SRGAP2C: variants seen among roughly 807,000 people sequenced by gnomAD.
SRGAP2C encodes the protein SLIT-ROBO Rho GTPase activating protein 2C.
SRGAP2C carries 15 observed loss-of-function variants against 25.1 expected under a neutral mutation model. The observed-to-expected ratio is 0.60, with a 90% CI of 0.40 to 0.92. The LOEUF is 0.92. SRGAP2C is among the 40% of genes least tolerant of loss of function. The probability of loss-of-function intolerance (pLI) is 0.00; values close to 1 mark genes in which losing one functional copy is unlikely to be tolerated. For synonymous variants in SRGAP2C, 44 were observed against 96.6 expected (o/e 0.46, Z 3.19); for missense variants, 144 against 264.4 (o/e 0.54, Z 3.16).
At chr1:121,235,158 G>T (rs1201912368) in intron 2 of SRGAP2C, among the ~76,000 whole-genome samples, 3 of 143,884 alleles carry the variant, frequency 2.1e-5, no homozygotes, top group Non-Finnish European at 4.5e-5. Flanking sequence ...CTCCCGAGTA[G>T]CTGGGACTAC....
chr1:121,385,841 G>A (rs587687573), intron 8 of SRGAP2C, among the ~76,000 whole-genome samples: 4 of 150,544 alleles, frequency 2.7e-5, no homozygotes, highest in Admixed American at 2.0e-4. Context: ...CTTCACACAG[G>A]GGAAAGCTAA....
chr1:121,270,278 A>C (rs587718862), intron 2 of SRGAP2C, among the ~76,000 whole-genome samples: 1 of 151,936 alleles, frequency 6.6e-6, no homozygotes, highest in Admixed American at 6.6e-5. Flanking sequence ...AGACATGGCT[A>C]CTTTATCTTC....
chr1:121,312,520 G>T (rs1657988320), intron 3 of SRGAP2C, among the ~76,000 whole-genome samples: 1 of 81,832 alleles, frequency 1.2e-5, no homozygotes, highest in Non-Finnish European at 2.5e-5. Flanking sequence ...TGATGTTAGG[G>T]TGTCAATTTT....
intron 2 of SRGAP2C, among the ~76,000 whole-genome samples, chr1:121,267,336 G>T (rs1334993643): frequency 6.6e-6 from 1 of 150,744 alleles, no homozygotes; most frequent in Non-Finnish European, 1.5e-5. Context: ...TGGGCTTACA[G>T]GTGCACCACC....
intron 3 of SRGAP2C, chr1:121,314,874 C>G (rs1376380632): frequency 1.2e-5 from 7 of 576,800 alleles, no homozygotes; most frequent in Admixed American, 2.4e-5. Flanking sequence ...GTGTCGCTCA[C>G]GCTGGGAGCT....
At chr1:121,228,725 C>G (rs1224333219) in intron 2 of SRGAP2C, among the ~76,000 whole-genome samples, 5 of 151,868 alleles carry the variant, frequency 3.3e-5, no homozygotes, top group Non-Finnish European at 5.9e-5. Context: ...GACTTAAAAG[C>G]ATTACTAAAT....
intron 3 of SRGAP2C, among the ~76,000 whole-genome samples, chr1:121,289,133 G>A (rs1400879236): frequency 6.8e-6 from 1 of 146,820 alleles, no homozygotes; most frequent in Non-Finnish European, 1.5e-5. Flanking sequence ...TGGTCGATGG[G>A]ACTGGGCGCC....
At chr1:121,292,188 C>T (rs1553337732) in intron 3 of SRGAP2C, among the ~76,000 whole-genome samples, 2 of 151,846 alleles carry the variant, frequency 1.3e-5, no homozygotes, top group Admixed American at 6.6e-5. Context: ...AAAGAGTCCA[C>T]GTAGCTGATG....
chr1:121,304,136 G>A (rs1480704243), intron 3 of SRGAP2C, among the ~76,000 whole-genome samples: 26 of 150,334 alleles, frequency 1.7e-4, no homozygotes, highest in Middle Eastern at 3.4e-3. Flanking sequence ...GGGTGAACCC[G>A]GGAGGTGGAG....
rs1660115528 is a variant in SRGAP2C, at chr1:121,392,266, C to A, written c.*4411C>A. ...GTTGTTAAAAAGTTTACCATTCTTT[C>A]TTTTCACCTTTCTTCCTTCTTCCTT... On this transcript the variant is annotated 3_prime_UTR_variant, in exon 10 of 10. Coordinates refer to ENST00000367123, the MANE Select transcript of SRGAP2C (RefSeq NM_001329984.2). The A allele has an allele frequency of 6.6e-6, 1 of 152,266 alleles. No individual in the cohort carries two copies. The highest frequency in any genetic ancestry group is 2.1e-4 in the South Asian group (1 of 4,826). 9.4% of individuals were successfully genotyped at this position (152,266 alleles called of 1,614,324 possible).
intron 2 of SRGAP2C, among the ~76,000 whole-genome samples, chr1:121,275,157 A>AT: frequency 7.8e-6 from 1 of 127,554 alleles, no homozygotes; most frequent in Non-Finnish European, 1.7e-5. Context: ...ACTCTTAAAT[A>AT]TTTTTGCATT....
intron 4 of SRGAP2C, among the ~76,000 whole-genome samples, chr1:121,349,248 T>C (rs1553344999): frequency 6.6e-6 from 1 of 151,544 alleles, no homozygotes; most frequent in Non-Finnish European, 1.5e-5. Context: ...TGAGATGTGG[T>C]AGCAGTGACA....
intron 3 of SRGAP2C, among the ~76,000 whole-genome samples, chr1:121,309,242 G>T (rs1657921177): frequency 9.1e-6 from 1 of 109,818 alleles, no homozygotes; most frequent in Non-Finnish European, 1.9e-5. Context: ...GTGTTAGGCA[G>T]GGCAGGTCTG....
In SRGAP2C at chr1:121,198,869, A is replaced by G. The variant is rs1261109764; in HGVS notation, c.67+11356A>G. Among the ~76,000 whole-genome samples the G allele has an allele frequency of 2.0e-5, 3 of 151,444 alleles. 1 individual carries two copies. Among genetic ancestry groups the G allele is most frequent in the African/African-American group, 7.3e-5 (3 of 41,144 alleles). On this transcript the variant is annotated intron_variant, in intron 2 of 9. Coordinates refer to ENST00000367123, the MANE Select transcript of SRGAP2C (RefSeq NM_001329984.2). The stretch of plus-strand genomic sequence containing the variant: ...TACACAGGCAGAATGATCCTAAGGG[A>G]AAGTGCTGGATTGGGAGGCAGAAAG...
At position 121,391,491 on chromosome 1, in the gene SRGAP2C, C is replaced by T. The variant is rs56991415; in HGVS notation, c.*3636C>T. 4 of 151,962 alleles carry T rather than the reference C, an allele frequency of 2.6e-5. No individual in the cohort carries two copies. The highest frequency in any genetic ancestry group is 4.4e-5 in the Non-Finnish European group (3 of 68,012). 9.4% of individuals were successfully genotyped at this position (151,962 alleles called of 1,614,324 possible). ...TATTTTGCTGGACAATGATTACTTG[C>T]TTTTCTTTTTGTTTTTCTTGTATAT... is the stretch of plus-strand genomic sequence containing the variant. On this transcript the variant is annotated 3_prime_UTR_variant, in exon 10 of 10. Coordinates refer to ENST00000367123, the MANE Select transcript of SRGAP2C (RefSeq NM_001329984.2).
chr1:121,211,649 T>A (rs1437134893), intron 2 of SRGAP2C, among the ~76,000 whole-genome samples: 2 of 152,152 alleles, frequency 1.3e-5, no homozygotes, highest in African/African-American at 4.8e-5. Context: ...AGCCATTCAG[T>A]CAATCAAAAT....
At chr1:121,353,106 GA>G (rs1303640518) in intron 4 of SRGAP2C, among the ~76,000 whole-genome samples, 9 of 147,994 alleles carry the variant, frequency 6.1e-5, no homozygotes, top group South Asian at 2.2e-4. Context: ...AAAGAAAAAA[GA>G]AAAAAAATAT....
chr1:121,222,805 C>T (rs1655565085), intron 2 of SRGAP2C, among the ~76,000 whole-genome samples: 2 of 152,088 alleles, frequency 1.3e-5, no homozygotes, highest in East Asian at 3.9e-4. Context: ...TTTTCTACCT[C>T]TGCTGGTTAT....
intron 2 of SRGAP2C, among the ~76,000 whole-genome samples, chr1:121,193,667 C>CTTTTT (rs60707143): frequency 2.0e-4 from 4 of 19,722 alleles, no homozygotes; most frequent in Non-Finnish European, 1.7e-4. Flanking sequence ...GTTCTTTTTT[C>CTTTTT]TTTTTTTTTT....
Sources: gnomAD v4.1 joint callset for allele counts (sites outside exome capture counted in the v4.1 genomes callset) on GRCh38, gnomAD v4.1.1 for gene constraint, MANE v1.5 for transcripts, NCBI Gene and HGNC (gene_info 2026-07-23, HGNC 2026-07-21) for gene names.